CASQ2: variants seen among roughly 807,000 people sequenced by gnomAD.
CASQ2 encodes the protein calsequestrin-2.
In CASQ2, 49 loss-of-function variants were observed where a neutral mutation model predicts 46.5. The ratio of observed to expected loss-of-function variants is 1.05; its 90% CI spans 0.84 to 1.34. The LOEUF is 1.34. Among genes scored for constraint, CASQ2 ranks in the 40% most tolerant of loss-of-function variants. The pLI is 0.00. For missense variants in CASQ2, 486 were observed against 481.3 expected (o/e 1.01, Z -0.09); for synonymous variants, 174 against 168.5 (o/e 1.03, Z -0.25).
At chr1:115,741,243 C>T (rs968488387) in intron 2 of CASQ2, among the ~76,000 whole-genome samples, 8 of 152,210 alleles carry the variant, frequency 5.3e-5, no homozygotes, top group Admixed American at 2.6e-4. Flanking sequence ...GACTTGTACT[C>T]CTTTGAGAAC....
intron 8 of CASQ2, 133 bp from the exon 9 acceptor site, chr1:115,705,425 T>G: frequency 1.4e-6 from 1 of 707,666 alleles, no homozygotes; most frequent in Non-Finnish European, 2.6e-6. Flanking sequence ...GATTATTCTA[T>G]AGAATGAGTC....
intron 2 of CASQ2, among the ~76,000 whole-genome samples, chr1:115,741,866 G>A (rs4575086): frequency 0.98 from 148,963 of 152,312 alleles, 72,941 homozygotes; most frequent in East Asian, 1. Flanking sequence ...GTAAAAGTCT[G>A]TTAGCTGGAG....
chr1:115,716,441 T>C (rs2999465), intron 8 of CASQ2, among the ~76,000 whole-genome samples: 91,343 of 152,082 alleles, frequency 0.6, 27,877 homozygotes, highest in African/African-American at 0.7. Flanking sequence ...TTTTATGGAT[T>C]AAAGTATACA....
chr1:115,727,745 G>A (rs1055323276), intron 5 of CASQ2, among the ~76,000 whole-genome samples: 9 of 152,162 alleles, frequency 5.9e-5, no homozygotes, highest in African/African-American at 1.9e-4. Context: ...GCTTTGTTCT[G>A]GGTGGAAGGG....
intron 3 of CASQ2, among the ~76,000 whole-genome samples, chr1:115,739,641 T>C (rs555050614): frequency 1.2e-4 from 19 of 152,354 alleles, no homozygotes; most frequent in Non-Finnish European, 2.2e-4. Flanking sequence ...TATTTGTTCC[T>C]ACTGCTGGCC....
At chr1:115,722,957 A>G (rs1284523314) in intron 7 of CASQ2, among the ~76,000 whole-genome samples, 1 of 152,154 alleles carries the variant, frequency 6.6e-6, no homozygotes, top group East Asian at 1.9e-4. Context: ...CTGAGGGAGG[A>G]GAATCACATG....
At chr1:115,713,545 T>A (rs1654610944) in intron 8 of CASQ2, among the ~76,000 whole-genome samples, 1 of 152,166 alleles carries the variant, frequency 6.6e-6, no homozygotes, top group Admixed American at 6.5e-5. Context: ...GAGGATCATG[T>A]CAGAACTGCT....
At chr1:115,721,526 A>G (rs967275044) in intron 7 of CASQ2, among the ~76,000 whole-genome samples, 1 of 152,104 alleles carries the variant, frequency 6.6e-6, no homozygotes, top group Non-Finnish European at 1.5e-5. Context: ...ATATTTCTCA[A>G]TGTCTCGGGA....
chr1:115,707,863 A>T (rs1372705867), intron 8 of CASQ2, among the ~76,000 whole-genome samples: 1 of 152,274 alleles, frequency 6.6e-6, no homozygotes, highest in Non-Finnish European at 1.5e-5. Context: ...ACACAGACTC[A>T]AATGAAAGTA....
intron 8 of CASQ2, among the ~76,000 whole-genome samples, chr1:115,716,807 C>A (rs4240549): frequency 0.18 from 26,902 of 152,200 alleles, 2,657 homozygotes; most frequent in South Asian, 0.25. Flanking sequence ...TAATGTAGCC[C>A]TTGTCACAAG....
chr1:115,762,013 G>C (rs1402064412), intron 1 of CASQ2, among the ~76,000 whole-genome samples: 1 of 152,184 alleles, frequency 6.6e-6, no homozygotes, highest in Admixed American at 6.5e-5. Context: ...GCCTCTATTG[G>C]TGAGCTAAAA....
chr1:115,760,417 T>C (rs1402080628), intron 1 of CASQ2, among the ~76,000 whole-genome samples: 1 of 152,204 alleles, frequency 6.6e-6, no homozygotes, highest in Non-Finnish European at 1.5e-5. Flanking sequence ...TCCGCCTTTT[T>C]ATTCAGATGA....
intron 4 of CASQ2, among the ~76,000 whole-genome samples, chr1:115,736,504 G>A (rs1382989190): frequency 6.6e-6 from 1 of 151,780 alleles, no homozygotes; most frequent in Non-Finnish European, 1.5e-5. Flanking sequence ...AGGCGTGGTG[G>A]CGGGCACCTG....
At position 115,702,035 on chromosome 1, in the gene CASQ2, G is replaced by A. The variant is rs146320377; in HGVS notation, c.1015-609C>T. 4.9e-4 allele frequency among the ~76,000 whole-genome samples: 74 copies of A among 151,920 alleles called. No individual in the cohort carries two copies. The East Asian group carries it at 0.012, about 26-fold the overall frequency. On this transcript the variant is annotated intron_variant, in intron 10 of 10. Transcript: ENST00000261448. ...CCTCCTGGGTTCAAGCGATTCTCTT[G>A]CCTCAGCCTCCCAAGTAACTGGTGT...
intron 5 of CASQ2, among the ~76,000 whole-genome samples, chr1:115,730,682 CTTAAG>C (rs757556237): frequency 3.5e-4 from 53 of 152,140 alleles, no homozygotes; most frequent in Non-Finnish European, 6.8e-4. Flanking sequence ...GACTTGCTAT[CTTAAG>C]TTATTTTGAG....
intron 1 of CASQ2, among the ~76,000 whole-genome samples, chr1:115,760,456 G>A (rs1195338454): frequency 6.6e-6 from 1 of 152,146 alleles, no homozygotes; most frequent in Admixed American, 6.5e-5. Context: ...AAGCTGGAGT[G>A]CAGTATCTAC....
At chr1:115,712,781 G>A (rs997035551) in intron 8 of CASQ2, among the ~76,000 whole-genome samples, 6 of 151,210 alleles carry the variant, frequency 4.0e-5, no homozygotes, top group Admixed American at 6.6e-5. Context: ...GCTTGAACCC[G>A]GGAGGTGGAG....
At chr1:115,755,303 G>A (rs993207159) in intron 1 of CASQ2, among the ~76,000 whole-genome samples, 11 of 152,196 alleles carry the variant, frequency 7.2e-5, no homozygotes, top group African/African-American at 2.7e-4. Flanking sequence ...TGAAAATGCA[G>A]TCTGGAAGCC....
At chr1:115,743,996 G>GAAA (rs1648295131) in intron 2 of CASQ2, among the ~76,000 whole-genome samples, 1 of 146,012 alleles carries the variant, frequency 6.8e-6, no homozygotes, top group African/African-American at 2.6e-5. Context: ...AAAAAAAAAT[G>GAAA]AACTGAGCGT....
Sources: allele counts gnomAD v4.1 joint callset (sites outside exome capture counted in the v4.1 genomes callset), GRCh38; gene constraint gnomAD v4.1.1; transcripts MANE v1.5; gene names NCBI Gene and HGNC (gene_info 2026-07-23, HGNC 2026-07-21).